The following IGF2BP3 variants were observed in gnomAD, a reference collection of about 807,000 sequenced individuals.
The protein encoded by IGF2BP3 is insulin like growth factor 2 mRNA binding protein 3.
In IGF2BP3, 9 loss-of-function variants were observed where a neutral mutation model predicts 73.8. The observed-to-expected ratio is 0.12, with a 90% CI of 0.07 to 0.21. The LOEUF (loss-of-function observed/expected upper bound fraction) is 0.21. Among genes scored for constraint, IGF2BP3 ranks in the 10% least tolerant of loss-of-function variants. The pLI, the probability that IGF2BP3 is intolerant of heterozygous loss-of-function variation, is 1.00. For synonymous variants in IGF2BP3, 258 were observed against 256.7 expected, an observed-to-expected ratio of 1.01 and a Z score of -0.05; for missense variants, 542 against 714.0, an observed-to-expected ratio of 0.76 and a Z score of 2.75.
At chr7:23,346,158 C>T in intron 7 of IGF2BP3, 96 bp from the exon 8 acceptor site, 2 of 1,370,362 alleles carry the variant, frequency 1.5e-6, no homozygotes, top group East Asian at 2.3e-5. Flanking sequence ...TTCCTACCTA[C>T]CATCTGGGAA....
At chr7:23,428,492 T>A (rs891711569) in intron 2 of IGF2BP3, among the ~76,000 whole-genome samples, 1 of 150,116 alleles carries the variant, frequency 6.7e-6, no homozygotes, top group East Asian at 1.9e-4. Context: ...AAAAATATTA[T>A]TGGCTTCTCT....
intron 2 of IGF2BP3, among the ~76,000 whole-genome samples, chr7:23,444,716 C>G (rs969055042): frequency 7.0e-6 from 1 of 142,218 alleles, no homozygotes; most frequent in Non-Finnish European, 1.5e-5. Context: ...GCACTCCAGC[C>G]TGGGTGACAG....
intron 3 of IGF2BP3, among the ~76,000 whole-genome samples, chr7:23,369,930 G>T (rs1785494320): frequency 6.6e-6 from 1 of 152,048 alleles, no homozygotes; most frequent in Non-Finnish European, 1.5e-5. Context: ...TCACTCCTGG[G>T]CTATCTGAAC....
intron 3 of IGF2BP3, among the ~76,000 whole-genome samples, chr7:23,384,516 C>T (rs995592256): frequency 2.0e-5 from 3 of 152,270 alleles, no homozygotes; most frequent in South Asian, 2.1e-4. Context: ...ACAATTTATA[C>T]AACCCCAACA....
At position 23,312,386 on chromosome 7, in the gene IGF2BP3, T is replaced by G. The variant is rs1353135115; in HGVS notation, c.1716A>C (p.Gly572=). The G allele has an allele frequency of 1.2e-6, 2 of 1,612,972 alleles. No homozygotes were observed. Among genetic ancestry groups the G allele is most frequent in the Admixed American group, 3.3e-5 (2 of 60,000 alleles). The change falls in exon 15 of 15, where the codon GGA becomes GGC. Residue 572 remains glycine (G), a synonymous_variant. Transcript: ENST00000258729. Reference sequence around the variant, plus strand: ...TTTACTTCCGTCTTGACTGAGGTGGTCCACTTTGCAGAGCCTTCTGTTGTT... The same window carrying G: ...TTTACTTCCGTCTTGACTGAGGTGGGCCACTTTGCAGAGCCTTCTGTTGTT... ...QHQQQKALQS[G]PPQSRRK
intron 3 of IGF2BP3, among the ~76,000 whole-genome samples, chr7:23,383,689 C>T (rs1433040949): frequency 1.3e-5 from 2 of 152,130 alleles, no homozygotes; most frequent in Non-Finnish European, 2.9e-5. Context: ...CATTAATGTA[C>T]ATAGAAGCAT....
At chr7:23,340,727 T>C (rs1422935218) in intron 10 of IGF2BP3, among the ~76,000 whole-genome samples, 1 of 152,218 alleles carries the variant, frequency 6.6e-6, no homozygotes, top group African/African-American at 2.4e-5. Flanking sequence ...AAATAATTTA[T>C]TCCATCAGGT....
At chr7:23,331,874 G>GA (rs982406023) in intron 10 of IGF2BP3, among the ~76,000 whole-genome samples, 22 of 139,218 alleles carry the variant, frequency 1.6e-4, no homozygotes, top group East Asian at 4.2e-4. Context: ...AAAAAAAAAA[G>GA]AAAAAAAAAA....
chr7:23,312,521 T>G, intron 14 of IGF2BP3, 61 bp from the exon 15 acceptor site: 1 of 1,166,108 alleles, frequency 8.6e-7, no homozygotes, highest in South Asian at 1.2e-5. Context: ...GTTATTGTAC[T>G]CCTTCATTTC....
chr7:23,326,810 C>T (rs966814892), intron 10 of IGF2BP3, among the ~76,000 whole-genome samples: 5 of 142,490 alleles, frequency 3.5e-5, no homozygotes, highest in South Asian at 2.4e-4. Context: ...AGTAAACTAT[C>T]GCAAGAACAA....
chr7:23,355,832 C>G (rs2128506314), intron 5 of IGF2BP3, among the ~76,000 whole-genome samples: 1 of 151,792 alleles, frequency 6.6e-6, no homozygotes, highest in South Asian at 2.1e-4. Context: ...ACTTGGAAGG[C>G]TGAGGCATGA....
chr7:23,339,833 ACAC>A (rs1302991640), intron 10 of IGF2BP3, among the ~76,000 whole-genome samples: 1 of 152,164 alleles, frequency 6.6e-6, no homozygotes, highest in Non-Finnish European at 1.5e-5. Context: ...AGTGTTGGGG[ACAC>A]ACCTGCCCTA....
chr7:23,328,462 C>T (rs539180084), intron 10 of IGF2BP3, among the ~76,000 whole-genome samples: 1 of 152,282 alleles, frequency 6.6e-6, no homozygotes, highest in African/African-American at 2.4e-5. Context: ...CTGCGCCTGG[C>T]CCTTAACTAC....
At chr7:23,317,257 G>A (rs1355411355) in intron 12 of IGF2BP3, among the ~76,000 whole-genome samples, 1 of 151,994 alleles carries the variant, frequency 6.6e-6, no homozygotes, top group African/African-American at 2.4e-5. Context: ...ATAATCCAAG[G>A]GTAAGGAAAA....
intron 3 of IGF2BP3, among the ~76,000 whole-genome samples, chr7:23,410,457 A>G (rs1786983558): frequency 6.6e-6 from 1 of 152,192 alleles, no homozygotes; most frequent in Non-Finnish European, 1.5e-5. Flanking sequence ...CACAAAGGAC[A>G]TGGGGTAAAC....
intron 3 of IGF2BP3, among the ~76,000 whole-genome samples, chr7:23,378,251 T>A (rs1785789558): frequency 6.6e-6 from 1 of 152,164 alleles, no homozygotes; most frequent in Non-Finnish European, 1.5e-5. Context: ...AGAAAGACTT[T>A]TTCTTTTCAC....
At chr7:23,450,963 C>T (rs1176337014) in intron 2 of IGF2BP3, among the ~76,000 whole-genome samples, 3 of 152,162 alleles carry the variant, frequency 2.0e-5, no homozygotes, top group Non-Finnish European at 4.4e-5. Context: ...ATTTATACTC[C>T]TTCCTTTTCT....
rs74523742 is a variant in IGF2BP3 at position 23,373,350 on chromosome 7, G to A, written c.286-11609C>T. On this transcript the variant is annotated intron_variant, in intron 3 of 14. Coordinates refer to ENST00000258729, the MANE Select transcript of IGF2BP3 (RefSeq NM_006547.3). ...CCCCCAACCCCTAGAAGAAACCACT[G>A]TCGCTTTGGTGGGGTCTCTCCAGGT... Among the ~76,000 whole-genome samples, 750 of 152,312 alleles carry A rather than the reference G, an allele frequency of 4.9e-3. 4 individuals are homozygous for A. The highest frequency in any genetic ancestry group is 8.1e-3 in the Non-Finnish European group (550 of 68,024).
At position 23,310,740 on chromosome 7, in the gene IGF2BP3, A is replaced by G. The variant is rs1050714; in HGVS notation, c.*1622T>C. 1 of 152,242 alleles carries G rather than the reference A, an allele frequency of 6.6e-6. No individual in the cohort carries two copies. Among genetic ancestry groups the G allele is most frequent in the African/African-American group, 2.4e-5 (1 of 41,466 alleles). 9.4% of individuals were successfully genotyped at this position (152,242 alleles called of 1,614,324 possible). A position where few individuals can be genotyped will look rare whatever the true frequency, so the allele number is the denominator to read the frequency against. On this transcript the variant is annotated 3_prime_UTR_variant, in exon 15 of 15. Coordinates refer to ENST00000258729, the MANE Select transcript of IGF2BP3 (RefSeq NM_006547.3). Reference sequence around the variant, plus strand: ...AAAATGTCTAATTGATCTTCAGAAAAACATCTAGTCTGTATAGAAATTCAT... The same window carrying G: ...AAAATGTCTAATTGATCTTCAGAAAGACATCTAGTCTGTATAGAAATTCAT...
Sources: allele counts gnomAD v4.1 joint callset (sites outside exome capture counted in the v4.1 genomes callset), GRCh38; gene constraint gnomAD v4.1.1; transcripts MANE v1.5; gene names NCBI Gene and HGNC (gene_info 2026-07-23, HGNC 2026-07-21).